Variants in ANKFY1 observed in about 807,000 individuals in gnomAD.
ANKFY1 encodes ankyrin repeat and FYVE domain-containing protein 1.
Under a neutral mutation model 128.3 loss-of-function variants are expected in ANKFY1, and 47 were observed. The ratio of observed to expected loss-of-function variants is 0.37; its 90% CI spans 0.29 to 0.47. ANKFY1 has a LOEUF of 0.47. Ranked by LOEUF, ANKFY1 falls within the 20% of genes least tolerant of loss-of-function variation. The pLI, the probability that ANKFY1 is intolerant of heterozygous loss-of-function variation, is 1.00. For synonymous variants in ANKFY1, 553 were observed against 601.6 expected, an observed-to-expected ratio of 0.92 and a Z score of 1.18; for missense variants, 1,222 against 1,510.6, an observed-to-expected ratio of 0.81 and a Z score of 3.17.
chr17:4,176,043 C>A (rs1201498508), intron 19 of ANKFY1, among the ~76,000 whole-genome samples: 6 of 152,188 alleles, frequency 3.9e-5, no homozygotes, highest in Admixed American at 1.3e-4. Context: ...TGGGACCCAG[C>A]TCCGCCTCCT....
intron 1 of ANKFY1, among the ~76,000 whole-genome samples, chr17:4,253,310 CT>C (rs575235955): frequency 7.5e-4 from 115 of 152,326 alleles, no homozygotes; most frequent in African/African-American, 2.6e-3. Context: ...GGGAATGGGA[CT>C]GACTGCAAAG....
At chr17:4,197,096 G>A (rs1239988418) in intron 8 of ANKFY1, among the ~76,000 whole-genome samples, 1 of 152,150 alleles carries the variant, frequency 6.6e-6, no homozygotes, top group Admixed American at 6.5e-5. Flanking sequence ...TCCAGCCTGG[G>A]TGACAGAGTG....
intron 3 of ANKFY1, chr17:4,222,521 G>A (rs1444313886): frequency 4.9e-6 from 5 of 1,016,264 alleles, no homozygotes; most frequent in East Asian, 2.4e-5. Flanking sequence ...GAAGTTCTAC[G>A]CACTTTATCA....
rs147815247 is a variant in ANKFY1, at chr17:4,248,264, C to T, written c.11-5816G>A. On this transcript the variant is annotated intron_variant, in intron 1 of 24. Coordinates refer to ENST00000341657, the MANE Select transcript of ANKFY1 (RefSeq NM_001330063.2). Reference sequence around the variant, plus strand: ...CGAGTCAGCATGACCACCTGAGCTCCGCCTCCTGTGAGATCAGCAGCAGCA... The same window carrying T: ...CGAGTCAGCATGACCACCTGAGCTCTGCCTCCTGTGAGATCAGCAGCAGCA... Among the ~76,000 whole-genome samples, 860 of 152,298 alleles carry T rather than the reference C, an allele frequency of 5.6e-3. 2 individuals carry two copies. The highest frequency in any genetic ancestry group is 8.2e-3 in the Non-Finnish European group (557 of 68,016).
chr17:4,176,954 G>A (rs571256732), intron 19 of ANKFY1, among the ~76,000 whole-genome samples, 172 bp downstream of exon 19: 29 of 152,326 alleles, frequency 1.9e-4, no homozygotes, highest in African/African-American at 5.8e-4. Flanking sequence ...CCAGTGGGGC[G>A]CTCAGGACGT....
intron 4 of ANKFY1, among the ~76,000 whole-genome samples, chr17:4,210,586 T>C (rs1190604191): frequency 6.6e-6 from 1 of 151,468 alleles, no homozygotes; most frequent in Non-Finnish European, 1.5e-5. Context: ...CGCATGCCTG[T>C]AATCCAAGCT....
chr17:4,228,860 G>A (rs553467040), intron 3 of ANKFY1, among the ~76,000 whole-genome samples: 16 of 152,290 alleles, frequency 1.1e-4, no homozygotes, highest in African/African-American at 3.8e-4. Flanking sequence ...AAACCAAACT[G>A]ACAGGCAGCA....
In ANKFY1 at chr17:4,195,538, G is replaced by A. The variant is rs1340736378; in HGVS notation, c.1104-67C>T. ...TGTTCAGGATGACTCACGGCAAGAC[G>A]CAACCAGAATCCCAGGCAGAATCAC... On this transcript the variant is annotated intron_variant, in intron 8 of 24. Coordinates refer to ENST00000341657, the MANE Select transcript of ANKFY1 (RefSeq NM_001330063.2). The A allele has an allele frequency of 1.2e-5, 15 of 1,249,926 alleles. 1 individual carries two copies. The highest frequency in any genetic ancestry group is 1.9e-4 in the Middle Eastern group (1 of 5,322). The allele number at this position is 1,249,926 out of a possible 1,614,324, so 77.4% of individuals were successfully genotyped here.
At chr17:4,196,397 T>C (rs1323266242) in intron 8 of ANKFY1, among the ~76,000 whole-genome samples, 1 of 152,042 alleles carries the variant, frequency 6.6e-6, no homozygotes, top group African/African-American at 2.4e-5. Flanking sequence ...GAGAGGTTTT[T>C]CAAAGGTATA....
At chr17:4,210,889 G>A (rs975591560) in intron 4 of ANKFY1, among the ~76,000 whole-genome samples, 3 of 150,902 alleles carry the variant, frequency 2.0e-5, no homozygotes, top group South Asian at 2.1e-4. Flanking sequence ...AAAATTAGCC[G>A]GGCATGGTGG....
chr17:4,203,841 A>G (rs1017311771), intron 7 of ANKFY1, among the ~76,000 whole-genome samples: 3 of 136,110 alleles, frequency 2.2e-5, no homozygotes, highest in East Asian at 2.1e-4. Context: ...AAAAAAAAAA[A>G]AAAGAAAGAA....
At chr17:4,242,152 C>G (rs1036772243) in intron 2 of ANKFY1, 104 bp downstream of exon 2, 1 of 1,205,752 alleles carries the variant, frequency 8.3e-7, no homozygotes, top group Admixed American at 3.0e-5. Flanking sequence ...TTGCTAATAT[C>G]CTCATTAGAG....
chr17:4,170,990 G>T, intron 22 of ANKFY1, 129 bp from the exon 23 acceptor site: 1 of 1,354,874 alleles, frequency 7.4e-7, no homozygotes, highest in Non-Finnish European at 1.0e-6. Flanking sequence ...AGTCCCCACA[G>T]ACATACGGGG....
At chr17:4,197,097 T>C (rs9897387) in intron 8 of ANKFY1, among the ~76,000 whole-genome samples, 143,631 of 152,194 alleles carry the variant, frequency 0.94, 68,355 homozygotes, top group East Asian at 1. Flanking sequence ...CCAGCCTGGG[T>C]GACAGAGTGA....
At chr17:4,211,001 C>T (rs1485871592) in intron 4 of ANKFY1, among the ~76,000 whole-genome samples, 4 of 151,726 alleles carry the variant, frequency 2.6e-5, no homozygotes, top group Admixed American at 6.6e-5. Context: ...CACTGCACTC[C>T]AGCCTGGGCA....
At chr17:4,177,829 A>G (rs935715132) in intron 18 of ANKFY1, 3 of 152,564 alleles carry the variant, frequency 2.0e-5, no homozygotes, top group African/African-American at 7.2e-5. Flanking sequence ...GAGGGAGCCA[A>G]CAGCAGGGCC....
chr17:4,256,985 A>G (rs1968165017), intron 1 of ANKFY1, among the ~76,000 whole-genome samples: 1 of 152,214 alleles, frequency 6.6e-6, no homozygotes, highest in Non-Finnish European at 1.5e-5. Context: ...TCCTGACTGG[A>G]AACACTTCCA....
At chr17:4,197,685 A>G (rs1304179534) in intron 7 of ANKFY1, 108 bp from the exon 8 acceptor site, 38 of 1,016,598 alleles carry the variant, frequency 3.7e-5, no homozygotes, top group East Asian at 2.6e-5. Flanking sequence ...CGATAACTAG[A>G]TGTGTCTGAA....
rs77645377 is a variant in ANKFY1 at position 4,223,226 on chromosome 17, T to C, written c.323-6108A>G. On this transcript the variant is annotated intron_variant, in intron 3 of 24. Transcript: ENST00000341657. ...AAATCTTCTTCCTATTACTCATGGG[T>C]GTATACGAGAAAAGCCCATGGTGAC... 1.5e-3 allele frequency: 1,150 copies of C among 787,500 alleles called. 7 individuals carry two copies. In the African/African-American group the frequency reaches 0.017, roughly 12 times the overall value. The allele number at this position is 787,500 out of a possible 1,614,324, so 48.8% of individuals were successfully genotyped here. A position where few individuals can be genotyped will look rare whatever the true frequency, so the allele number is the denominator to read the frequency against.
Sources: gnomAD v4.1 joint callset for allele counts (sites outside exome capture counted in the v4.1 genomes callset) on GRCh38, gnomAD v4.1.1 for gene constraint, MANE v1.5 for transcripts, NCBI Gene and HGNC (gene_info 2026-07-23, HGNC 2026-07-21) for gene names.